Variants in UNC13B observed in about 807,000 individuals in gnomAD.
UNC13B encodes unc-13 homolog B.
A neutral mutation model predicts 211.0 loss-of-function variants in UNC13B; 144 were observed. That is an observed-to-expected ratio of 0.68 (90% CI 0.60 to 0.78). UNC13B has a LOEUF of 0.78. UNC13B is among the 30% of genes least tolerant of loss of function. The pLI is 0.00. For missense variants in UNC13B, 1,777 were observed against 2,002.0 expected (o/e 0.89, Z 2.14); for synonymous variants, 709 against 725.8 (o/e 0.98, Z 0.37).
intron 14 of UNC13B, among the ~76,000 whole-genome samples, 182 bp from the exon 15 acceptor site, chr9:35,375,846 T>TAGCA (rs1834365411): frequency 1.3e-5 from 2 of 152,124 alleles, no homozygotes; most frequent in Non-Finnish European, 1.5e-5. Flanking sequence ...CTGGGCATGG[T>TAGCA]AGCATGTGCA....
chr9:35,399,077 C>T, intron 33 of UNC13B, 43 bp downstream of exon 33: 29 of 1,613,550 alleles, frequency 1.8e-5, no homozygotes, highest in Non-Finnish European at 2.5e-5. Context: ...ATGAGCAAAG[C>T]AGATGCTATC....
chr9:35,190,910 CA>C (rs2131340404), intron 1 of UNC13B, among the ~76,000 whole-genome samples: 1 of 152,234 alleles, frequency 6.6e-6, no homozygotes, highest in Admixed American at 6.5e-5. Flanking sequence ...CAGGTGAGAC[CA>C]ACAAGCCTTA....
In UNC13B at chr9:35,307,431, T is replaced by C. The variant is rs951552088; in HGVS notation, c.8027T>C (p.Leu2676Pro). The C allele has an allele frequency of 2.3e-5, 9 of 399,100 alleles. No homozygotes were observed. In the Admixed American group the frequency reaches 3.5e-4, roughly 16 times the overall value. 24.7% of individuals were successfully genotyped at this position (399,100 alleles called of 1,614,324 possible). A position where few individuals can be genotyped will look rare whatever the true frequency, so the allele number is the denominator to read the frequency against. ...CCTCCCATTCAGCCACCTCTTCCTCTTGAGCCAGAGCCAGCTATTCAAACT... is the reference window on the plus strand; with the variant it reads ...CCTCCCATTCAGCCACCTCTTCCTCCTGAGCCAGAGCCAGCTATTCAAACT... ...LPPPIQPPLP[L>P]EPEPAIQTAS... The change falls in exon 9 of 40, where the codon CTT becomes CCT. Residue 2676 changes from leucine to proline, a missense_variant. Physicochemically the swap from Leu to Pro is moderately conservative, Grantham distance 98. Transcript: ENST00000635942.
intron 1 of UNC13B, among the ~76,000 whole-genome samples, chr9:35,216,640 G>A (rs908608374): frequency 1.3e-5 from 2 of 152,030 alleles, no homozygotes; most frequent in Non-Finnish European, 2.9e-5. Context: ...CCTCCCCTTC[G>A]CTAACTCCTG....
chr9:35,286,318 C>T (rs1828791955), intron 7 of UNC13B, among the ~76,000 whole-genome samples: 1 of 151,000 alleles, frequency 6.6e-6, no homozygotes, highest in Non-Finnish European at 1.5e-5. Flanking sequence ...CTGCAACCTC[C>T]ACCTCCCAAG....
intron 1 of UNC13B, among the ~76,000 whole-genome samples, chr9:35,199,913 C>T (rs1378504861): frequency 6.6e-6 from 1 of 152,124 alleles, no homozygotes; most frequent in Admixed American, 6.5e-5. Context: ...GAAGTCCTTG[C>T]CCATGCCTAT....
chr9:35,216,673 A>G (rs1411055299), intron 1 of UNC13B, among the ~76,000 whole-genome samples: 1 of 152,232 alleles, frequency 6.6e-6, no homozygotes, highest in East Asian at 1.9e-4. Context: ...AATGATAGAT[A>G]AAAGGTGTAG....
intron 6 of UNC13B, among the ~76,000 whole-genome samples, chr9:35,252,384 G>A (rs28710361): frequency 0.026 from 3,968 of 151,908 alleles, 175 homozygotes; most frequent in African/African-American, 0.089. Flanking sequence ...CCAGGCTGGC[G>A]TGCAGTGGTG....
intron 7 of UNC13B, among the ~76,000 whole-genome samples, chr9:35,270,945 C>T (rs1383720327): frequency 2.6e-5 from 4 of 152,114 alleles, no homozygotes; most frequent in Non-Finnish European, 4.4e-5. Flanking sequence ...TCGAGACCAT[C>T]CTGGCCAACA....
intron 11 of UNC13B, among the ~76,000 whole-genome samples, chr9:35,323,905 C>A (rs562015999): frequency 6.6e-6 from 1 of 152,158 alleles, no homozygotes; most frequent in African/African-American, 2.4e-5. Context: ...AATTTTAGTA[C>A]CTGCATCACA....
chr9:35,257,370 T>TATAAATATTTATA (rs1554692897), intron 6 of UNC13B, among the ~76,000 whole-genome samples: 32 of 60,678 alleles, frequency 5.3e-4, no homozygotes, highest in East Asian at 1.6e-3. Flanking sequence ...TAAATATTTA[T>TATAAATATTTATA]AAAATATTTA....
intron 1 of UNC13B, among the ~76,000 whole-genome samples, chr9:35,176,982 AG>A (rs889193068): frequency 2.6e-5 from 4 of 152,180 alleles, no homozygotes; most frequent in African/African-American, 9.7e-5. Context: ...TCCAAGAGAA[AG>A]GGAAAATATG....
intron 1 of UNC13B, among the ~76,000 whole-genome samples, chr9:35,181,486 G>A (rs74343265): frequency 1.2e-4 from 19 of 152,118 alleles, no homozygotes; most frequent in African/African-American, 4.1e-4. Context: ...GTACCTATAC[G>A]GTACTAATTA....
At chr9:35,197,472 T>G (rs983512470) in intron 1 of UNC13B, among the ~76,000 whole-genome samples, 1 of 152,236 alleles carries the variant, frequency 6.6e-6, no homozygotes, top group African/African-American at 2.4e-5. Context: ...CCTCCCAAAG[T>G]GTTGGGATTA....
chr9:35,221,751 GT>G (rs2131461246), intron 1 of UNC13B, among the ~76,000 whole-genome samples: 1 of 152,098 alleles, frequency 6.6e-6, no homozygotes, highest in Admixed American at 6.5e-5. Flanking sequence ...TTTCTCCTAT[GT>G]TTTCTTCCAG....
At chr9:35,344,110 G>A (rs7022107) in intron 11 of UNC13B, among the ~76,000 whole-genome samples, 1 of 152,002 alleles carries the variant, frequency 6.6e-6, no homozygotes, top group African/African-American at 2.4e-5. Flanking sequence ...TTTCCAACTC[G>A]GGGTAGGGGA....
At chr9:35,247,532 G>C (rs1277266919) in intron 6 of UNC13B, among the ~76,000 whole-genome samples, 1 of 151,994 alleles carries the variant, frequency 6.6e-6, no homozygotes, top group Non-Finnish European at 1.5e-5. Context: ...CGTCCCATCA[G>C]TACCTAATTT....
rs762317519 is a variant in UNC13B, at chr9:35,351,989, C to G, written c.9415-14958C>G. The G allele has an allele frequency of 4.1e-6, 5 of 1,232,218 alleles. No homozygotes were observed. The East Asian group carries it at 1.6e-4, about 39-fold the overall frequency. The allele number at this position is 1,232,218 out of a possible 1,614,324, so 76.3% of individuals were successfully genotyped here. Reference sequence around the variant, plus strand: ...CATCAGAGAGCTGCAAGGCATCAGCCGTCTTCAGACTGAGATTGCTGAGCT... The same window carrying G: ...CATCAGAGAGCTGCAAGGCATCAGCGGTCTTCAGACTGAGATTGCTGAGCT... On this transcript the variant is annotated intron_variant, in intron 11 of 39. Transcript: ENST00000635942.
At chr9:35,352,195 G>T in intron 11 of UNC13B, 2 of 1,232,216 alleles carry the variant, frequency 1.6e-6, no homozygotes, top group Admixed American at 4.2e-5. Flanking sequence ...TTCTGTATTT[G>T]TACGGACTTC....
Sources: allele counts gnomAD v4.1 joint callset (sites outside exome capture counted in the v4.1 genomes callset), GRCh38; gene constraint gnomAD v4.1.1; transcripts MANE v1.5; gene names NCBI Gene and HGNC (gene_info 2026-07-23, HGNC 2026-07-21).